DENND1B: variants seen among roughly 807,000 people sequenced by gnomAD.
DENND1B encodes the protein DENN domain containing 1B, also known as DENN domain-containing protein 1B.
DENND1B carries 59 observed loss-of-function variants against 90.1 expected under a neutral mutation model. That is an observed-to-expected ratio of 0.65 (90% CI 0.53 to 0.81). DENND1B has a LOEUF of 0.81. Ranked by LOEUF, DENND1B falls within the 40% of genes least tolerant of loss-of-function variation. The pLI is 0.00. For missense variants in DENND1B, 862 were observed against 912.6 expected (o/e 0.94, Z 0.71); for synonymous variants, 337 against 324.6 (o/e 1.04, Z -0.41).
At chr1:197,734,051 T>C in intron 2 of DENND1B, 1 of 945,056 alleles carries the variant, frequency 1.1e-6, no homozygotes, top group South Asian at 4.9e-5. Flanking sequence ...ACATTAAATA[T>C]TTATCATTAG....
chr1:197,640,309 C>G (rs1680157507), intron 10 of DENND1B, among the ~76,000 whole-genome samples: 1 of 151,694 alleles, frequency 6.6e-6, no homozygotes, highest in Non-Finnish European at 1.5e-5. Flanking sequence ...CCCGTCTCTA[C>G]TAAAAATACA....
At chr1:197,624,682 G>C (rs1031912492) in intron 10 of DENND1B, among the ~76,000 whole-genome samples, 4 of 151,882 alleles carry the variant, frequency 2.6e-5, no homozygotes, top group Admixed American at 2.6e-4. Context: ...ACTTTGACGA[G>C]TTGAGAGAAG....
intron 2 of DENND1B, among the ~76,000 whole-genome samples, chr1:197,730,293 G>C (rs1300801155): frequency 1.3e-5 from 2 of 151,986 alleles, no homozygotes; most frequent in African/African-American, 4.8e-5. Context: ...AAAATGAGTA[G>C]AGTGAGCCTA....
In DENND1B at chr1:197,561,958, A is replaced by G. The variant is rs540240327; in HGVS notation, c.1150-8846T>C. Among the ~76,000 whole-genome samples the G allele has an allele frequency of 2.6e-5, 4 of 151,836 alleles. 1 individual carries two copies. In the South Asian group the frequency reaches 8.3e-4, roughly 32 times the overall value. On this transcript the variant is annotated intron_variant, in intron 15 of 22. Coordinates refer to ENST00000620048, the MANE Select transcript of DENND1B (RefSeq NM_001195215.2). ...CCTAGATGACAGCAATAGTTTTCTA[A>G]ATCTTCTTTCTCTCTGTTTCCACTT...
At chr1:197,706,890 C>T (rs1372139294) in intron 3 of DENND1B, among the ~76,000 whole-genome samples, 1 of 152,000 alleles carries the variant, frequency 6.6e-6, no homozygotes, top group Non-Finnish European at 1.5e-5. Flanking sequence ...AAACTAAAAA[C>T]AGAACTATCA....
chr1:197,668,394 G>T (rs1381648388), intron 5 of DENND1B, among the ~76,000 whole-genome samples: 3 of 151,646 alleles, frequency 2.0e-5, no homozygotes, highest in African/African-American at 7.3e-5. Flanking sequence ...GAAGGGAAGG[G>T]GTAGTGGGAC....
intron 2 of DENND1B, among the ~76,000 whole-genome samples, chr1:197,716,169 T>G (rs1047243668): frequency 6.6e-6 from 1 of 151,844 alleles, no homozygotes; most frequent in African/African-American, 2.4e-5. Context: ...AATTTTTAAT[T>G]ATAAAACTCA....
intron 2 of DENND1B, among the ~76,000 whole-genome samples, chr1:197,715,315 T>C (rs139913481): frequency 1.3e-5 from 2 of 152,112 alleles, no homozygotes; most frequent in East Asian, 3.9e-4. Context: ...CTTGGTCAGG[T>C]TATTAAAAAT....
intron 8 of DENND1B, among the ~76,000 whole-genome samples, chr1:197,646,427 A>T (rs1311950350): frequency 1.3e-5 from 2 of 152,012 alleles, no homozygotes; most frequent in Admixed American, 1.3e-4. Context: ...TAAAGAATAC[A>T]TTGTGTATAT....
At chr1:197,628,239 C>T (rs1417213001) in intron 10 of DENND1B, among the ~76,000 whole-genome samples, 1 of 152,110 alleles carries the variant, frequency 6.6e-6, no homozygotes, top group African/African-American at 2.4e-5. Context: ...GCCAAAAGAA[C>T]AAAGCTGGAG....
chr1:197,603,349 G>A (rs1418299535), intron 13 of DENND1B, among the ~76,000 whole-genome samples: 1 of 151,234 alleles, frequency 6.6e-6, no homozygotes, highest in African/African-American at 2.4e-5. Context: ...ATGGTCTACT[G>A]TTTCGGGCAC....
At chr1:197,779,453 T>TTCA (rs1657376839), upstream of DENND1B, among the ~76,000 whole-genome samples, 1 of 152,100 alleles carries the variant, frequency 6.6e-6, no homozygotes, top group Admixed American at 6.5e-5. Flanking sequence ...ATTGGTGACT[T>TTCA]TCATCAGTTC....
At chr1:197,643,688 C>T (rs948180043) in intron 9 of DENND1B, among the ~76,000 whole-genome samples, 2 of 152,136 alleles carry the variant, frequency 1.3e-5, no homozygotes, top group Non-Finnish European at 2.9e-5. Flanking sequence ...TACTTCATGT[C>T]ACGCTTGCTT....
Position 197,521,699 on chromosome 1 carries a change from G to C in DENND1B, c.1516-8746C>G, listed in dbSNP as rs1050924531. ...TAGTGACATCTTAAAATGCATGGCA[G>C]TTTATAATTCAAAACAAGCTTTAAA... is the stretch of plus-strand genomic sequence containing the variant. On this transcript the variant is annotated intron_variant, in intron 20 of 22. Transcript: ENST00000620048. Among the ~76,000 whole-genome samples, 8 of 152,056 alleles carry C rather than the reference G, an allele frequency of 5.3e-5. No homozygotes were observed. In the East Asian group the frequency reaches 1.4e-3, roughly 26 times the overall value.
chr1:197,545,931 T>C lies in DENND1B; in HGVS notation c.1341A>G (p.Ala447=), dbSNP rs774366310. 3.7e-6 allele frequency: 6 copies of C among 1,601,604 alleles called. No homozygotes were observed. Among genetic ancestry groups the C allele is most frequent in the East Asian group, 2.2e-5 (1 of 44,504 alleles). The change falls in exon 18 of 23, where the codon GCA becomes GCG. Residue 447 remains alanine (A), a synonymous_variant. Transcript: ENST00000620048. ...MTKATPAVRT[A]YKFAKNHAKL... ...TATCAAAAAAACTTACAAATTTATA[T>C]GCTGTCCGTACAGCAGGGGTTGCTT...
intron 15 of DENND1B, among the ~76,000 whole-genome samples, chr1:197,567,261 A>T (rs1308639667): frequency 6.6e-6 from 1 of 152,104 alleles, no homozygotes; most frequent in Non-Finnish European, 1.5e-5. Context: ...AAATTGAATA[A>T]CCCAGAAGAA....
At chr1:197,545,138 C>T (rs1256155299) in intron 18 of DENND1B, among the ~76,000 whole-genome samples, 1 of 151,884 alleles carries the variant, frequency 6.6e-6, no homozygotes, top group Non-Finnish European at 1.5e-5. Flanking sequence ...GGCGCAGTGG[C>T]TCACACCTAT....
chr1:197,751,800 T>C (rs1360913226), intron 2 of DENND1B, among the ~76,000 whole-genome samples: 1 of 146,066 alleles, frequency 6.8e-6, no homozygotes, highest in Non-Finnish European at 1.5e-5. Flanking sequence ...GCCAAGATCG[T>C]GCCACTACAC....
chr1:197,568,493 A>T (rs916628656), intron 15 of DENND1B, among the ~76,000 whole-genome samples: 4 of 152,164 alleles, frequency 2.6e-5, no homozygotes, highest in Non-Finnish European at 5.9e-5. Context: ...GAAATATAAA[A>T]ATCAATCCTA....
Sources: allele counts gnomAD v4.1 joint callset (sites outside exome capture counted in the v4.1 genomes callset), GRCh38; gene constraint gnomAD v4.1.1; transcripts MANE v1.5; gene names NCBI Gene and HGNC (gene_info 2026-07-23, HGNC 2026-07-21).